SUCLG2: variants seen among roughly 807,000 people sequenced by gnomAD.
SUCLG2 encodes the protein succinate-CoA ligase GDP-forming subunit beta, also known as succinate--CoA ligase [GDP-forming] subunit beta, mitochondrial.
SUCLG2 carries 42 observed loss-of-function variants against 47.9 expected under a neutral mutation model. The ratio of observed to expected loss-of-function variants is 0.88; its 90% CI spans 0.69 to 1.14. SUCLG2 has a LOEUF of 1.14. SUCLG2 is among the 50% of genes most tolerant of loss of function. The pLI is 0.00. For synonymous variants in SUCLG2, 195 were observed against 197.3 expected, an observed-to-expected ratio of 0.99 and a Z score of 0.10; for missense variants, 571 against 525.9, an observed-to-expected ratio of 1.09 and a Z score of -0.84.
intron 2 of SUCLG2, among the ~76,000 whole-genome samples, chr3:67,560,463 G>A (rs1707279666): frequency 2.0e-5 from 3 of 152,150 alleles, no homozygotes; most frequent in Admixed American, 2.0e-4. Flanking sequence ...CGTGAGATCT[G>A]GGTTCAAGCC....
intron 10 of SUCLG2, among the ~76,000 whole-genome samples, chr3:67,388,258 C>A (rs554592690): frequency 6.6e-6 from 1 of 152,340 alleles, no homozygotes; most frequent in East Asian, 1.9e-4. Flanking sequence ...CCTCTTTCCA[C>A]TATTATAGCT....
At chr3:67,471,082 G>A (rs1207467538) in intron 9 of SUCLG2, among the ~76,000 whole-genome samples, 1 of 152,206 alleles carries the variant, frequency 6.6e-6, no homozygotes, top group Non-Finnish European at 1.5e-5. Context: ...TGCTAACACT[G>A]TTGGGATCAG....
chr3:67,551,897 C>T (rs1707024533), intron 2 of SUCLG2, among the ~76,000 whole-genome samples: 1 of 152,074 alleles, frequency 6.6e-6, no homozygotes, highest in African/African-American at 2.4e-5. Flanking sequence ...ACACAGCTGT[C>T]AACTCCAGAG....
At chr3:67,362,916 G>T (rs965722798) in intron 10 of SUCLG2, among the ~76,000 whole-genome samples, 1 of 152,170 alleles carries the variant, frequency 6.6e-6, no homozygotes, top group Non-Finnish European at 1.5e-5. Context: ...CCTCCGTGGT[G>T]TAATTTATGC....
intron 10 of SUCLG2, among the ~76,000 whole-genome samples, chr3:67,388,838 G>A (rs1419632798): frequency 6.6e-6 from 1 of 152,132 alleles, no homozygotes; most frequent in East Asian, 1.9e-4. Context: ...TAGTATAAAA[G>A]GAGAATTTCC....
chr3:67,391,629 T>G (rs990844601), intron 10 of SUCLG2, among the ~76,000 whole-genome samples: 5 of 151,962 alleles, frequency 3.3e-5, no homozygotes, highest in Admixed American at 2.0e-4. Flanking sequence ...GTGGGCCGAG[T>G]AGCTTTGAAA....
chr3:67,456,347 G>C lies in SUCLG2; in HGVS notation c.1062+39451C>G, dbSNP rs562517935. Reference sequence around the variant, plus strand: ...AGGTCTTAGGGAATATCAGCAAAGCGAAAGGAAAAAATAGGTCCCTCTATG... The same window carrying C: ...AGGTCTTAGGGAATATCAGCAAAGCCAAAGGAAAAAATAGGTCCCTCTATG... On this transcript the variant is annotated intron_variant, in intron 9 of 10. Coordinates refer to ENST00000307227, the MANE Select transcript of SUCLG2 (RefSeq NM_003848.4). Among the ~76,000 whole-genome samples the C allele has an allele frequency of 5.9e-5, 9 of 152,230 alleles. No individual in the cohort carries two copies. The South Asian group carries it at 1.9e-3, about 32-fold the overall frequency.
At chr3:67,511,813 TATTA>T (rs1160735329) in intron 6 of SUCLG2, among the ~76,000 whole-genome samples, 4 of 151,426 alleles carry the variant, frequency 2.6e-5, no homozygotes, top group Non-Finnish European at 2.9e-5. Context: ...TTTGGTCCCT[TATTA>T]ATTTATAGGA....
chr3:67,613,387 T>C (rs1481002762), intron 1 of SUCLG2, among the ~76,000 whole-genome samples: 4 of 152,166 alleles, frequency 2.6e-5, no homozygotes, highest in Non-Finnish European at 5.9e-5. Flanking sequence ...AGACCAAATA[T>C]GTATTTTTTT....
At chr3:67,558,806 G>A (rs561526012) in intron 2 of SUCLG2, among the ~76,000 whole-genome samples, 21 of 152,274 alleles carry the variant, frequency 1.4e-4, no homozygotes, top group African/African-American at 5.1e-4. Flanking sequence ...CGCTCCCCTG[G>A]AAACTCAGGC....
intron 2 of SUCLG2, among the ~76,000 whole-genome samples, chr3:67,588,058 G>C (rs1435659687): frequency 6.6e-6 from 1 of 152,144 alleles, no homozygotes; most frequent in Non-Finnish European, 1.5e-5. Flanking sequence ...TGTTCAGACT[G>C]GGAAAAGATC....
chr3:67,573,230 C>A (rs957889921), intron 2 of SUCLG2, among the ~76,000 whole-genome samples: 1 of 152,134 alleles, frequency 6.6e-6, no homozygotes, highest in Non-Finnish European at 1.5e-5. Flanking sequence ...GATGGCCATA[C>A]TCCCACAATT....
intron 7 of SUCLG2, among the ~76,000 whole-genome samples, chr3:67,502,517 C>T (rs1292986575): frequency 6.6e-6 from 1 of 152,178 alleles, no homozygotes; most frequent in East Asian, 1.9e-4. Flanking sequence ...ATGTTCTACT[C>T]TAGGTGTTGG....
At chr3:67,648,573 A>G (rs1164299375) in intron 1 of SUCLG2, among the ~76,000 whole-genome samples, 2 of 152,174 alleles carry the variant, frequency 1.3e-5, no homozygotes, top group Non-Finnish European at 2.9e-5. Context: ...GGGCCTCTCT[A>G]TGCCTCTGAC....
intron 2 of SUCLG2, among the ~76,000 whole-genome samples, chr3:67,593,168 G>A (rs752867194): frequency 1.5e-4 from 23 of 152,226 alleles, no homozygotes; most frequent in Non-Finnish European, 2.9e-4. Context: ...AATATATAAT[G>A]TATTTGCAAA....
Position 67,446,431 on chromosome 3 carries a change from T to G in SUCLG2, c.1063-45580A>C, listed in dbSNP as rs1165407241. 1.2e-4 allele frequency among the ~76,000 whole-genome samples: 12 copies of G among 102,126 alleles called. 1 individual carries two copies. Among genetic ancestry groups the G allele is most frequent in the Non-Finnish European group, 2.1e-4 (11 of 51,376 alleles). 67.0% of individuals were successfully genotyped at this position (102,126 alleles called of 152,430 possible). On this transcript the variant is annotated intron_variant, in intron 9 of 10. Transcript: ENST00000307227. Reference sequence around the variant, plus strand: ...TACATATGTACATTTTTTTTTTTTTTTTTTTTTTTTTTTTTTTGAGATAGA... The same window carrying G: ...TACATATGTACATTTTTTTTTTTTTGTTTTTTTTTTTTTTTTTGAGATAGA...
At chr3:67,556,384 T>C (rs770773836) in intron 2 of SUCLG2, among the ~76,000 whole-genome samples, 4 of 152,192 alleles carry the variant, frequency 2.6e-5, no homozygotes, top group Non-Finnish European at 5.9e-5. Flanking sequence ...TTAGCAGAAA[T>C]GCAGTATCAC....
At chr3:67,487,848 A>G (rs931499029) in intron 9 of SUCLG2, among the ~76,000 whole-genome samples, 9 of 152,172 alleles carry the variant, frequency 5.9e-5, no homozygotes, top group Non-Finnish European at 1.2e-4. Context: ...TCTTATATGA[A>G]TAATCCCAGC....
intron 2 of SUCLG2, among the ~76,000 whole-genome samples, chr3:67,531,340 C>T (rs183143364): frequency 1.5e-4 from 23 of 152,234 alleles, no homozygotes; most frequent in Admixed American, 8.5e-4. Flanking sequence ...TTTTCATATC[C>T]TTGTCATCCT....
Sources: gnomAD v4.1 joint callset for allele counts (sites outside exome capture counted in the v4.1 genomes callset) on GRCh38, gnomAD v4.1.1 for gene constraint, MANE v1.5 for transcripts, NCBI Gene and HGNC (gene_info 2026-07-23, HGNC 2026-07-21) for gene names.